Variants in LRRFIP2 observed in about 807,000 individuals in gnomAD.
The protein encoded by LRRFIP2 is LRR binding FLII interacting protein 2.
Under a neutral mutation model 125.9 loss-of-function variants are expected in LRRFIP2, and 109 were observed. That is an observed-to-expected ratio of 0.87 (90% confidence interval 0.74 to 1.01). LRRFIP2 has a LOEUF of 1.01. LRRFIP2 is among the 50% of genes least tolerant of loss of function. LRRFIP2 has a pLI of 0.00. For synonymous variants in LRRFIP2, 291 were observed against 293.1 expected (o/e 0.99, Z 0.07); for missense variants, 850 against 862.3 (o/e 0.99, Z 0.18).
intron 2 of LRRFIP2, among the ~76,000 whole-genome samples, chr3:37,141,519 T>C (rs2095700862): frequency 6.6e-6 from 1 of 152,260 alleles, no homozygotes; most frequent in Non-Finnish European, 1.5e-5. Flanking sequence ...TTTATGGTGA[T>C]ACATATTAAA....
intron 24 of LRRFIP2, among the ~76,000 whole-genome samples, chr3:37,059,439 GT>G (rs2087867010): frequency 1.3e-5 from 2 of 152,128 alleles, no homozygotes; most frequent in African/African-American, 4.8e-5. Context: ...GCAGTTTTTT[GT>G]TGTTTACTTT....
At chr3:37,115,527 T>C (rs1396704840) in intron 6 of LRRFIP2, among the ~76,000 whole-genome samples, 1 of 152,178 alleles carries the variant, frequency 6.6e-6, no homozygotes, top group East Asian at 1.9e-4. Flanking sequence ...GAACAGGCAA[T>C]GAGGCAAGCT....
chr3:37,156,516 T>C (rs1488253216), intron 1 of LRRFIP2, among the ~76,000 whole-genome samples: 1 of 149,092 alleles, frequency 6.7e-6, no homozygotes, highest in Non-Finnish European at 1.5e-5. Context: ...CTACTAAAAA[T>C]ACAAAAAATT....
chr3:37,165,888 T>C (rs1367930230), intron 1 of LRRFIP2, among the ~76,000 whole-genome samples: 1 of 151,108 alleles, frequency 6.6e-6, no homozygotes, highest in Non-Finnish European at 1.5e-5. Context: ...AAACTCAAAA[T>C]GGATCAAAGA....
At chr3:37,129,035 T>C (rs182341666) in intron 3 of LRRFIP2, 28 bp downstream of exon 3, 3 of 1,596,082 alleles carry the variant, frequency 1.9e-6, no homozygotes, top group South Asian at 1.1e-5. Flanking sequence ...GAGACAAATA[T>C]GAAATTAGGG....
intron 19 of LRRFIP2, among the ~76,000 whole-genome samples, chr3:37,080,194 C>T (rs757106668): frequency 2.6e-4 from 39 of 151,896 alleles, no homozygotes; most frequent in Non-Finnish European, 4.6e-4. Flanking sequence ...GAGGTCAGTT[C>T]GGGACCAGCC....
intron 13 of LRRFIP2, among the ~76,000 whole-genome samples, chr3:37,107,051 T>C (rs957290811): frequency 1.2e-4 from 18 of 151,962 alleles, no homozygotes; most frequent in Non-Finnish European, 2.4e-4. Context: ...ATTACAGGCA[T>C]GTGCCACCAC....
At chr3:37,133,775 T>G (rs1443388325) in intron 2 of LRRFIP2, among the ~76,000 whole-genome samples, 1 of 152,200 alleles carries the variant, frequency 6.6e-6, no homozygotes, top group Non-Finnish European at 1.5e-5. Flanking sequence ...TATACTTAAA[T>G]ATAGTTACCA....
chr3:37,055,172 C>T lies in LRRFIP2; in HGVS notation c.1871-7G>A. 6.5e-7 allele frequency: 1 copy of T among 1,541,738 alleles called. No individual in the cohort carries two copies. The highest frequency in any genetic ancestry group is 8.8e-7 in the Non-Finnish European group (1 of 1,137,208). ...ATTTGTCTATTGGCATCTCCTAGAA[C>T]AGAAGAAGACAATGAATTATCTTCA... On this transcript the variant is annotated splice_polypyrimidine_tract_variant and splice_region_variant and intron_variant, in intron 25 of 27. Transcript: ENST00000336686.
intron 3 of LRRFIP2, among the ~76,000 whole-genome samples, chr3:37,128,268 T>C (rs1370228843): frequency 1.3e-5 from 2 of 152,172 alleles, no homozygotes; most frequent in African/African-American, 4.8e-5. Flanking sequence ...CAAAAGAAAG[T>C]GTTTAATACT....
chr3:37,072,795 T>C lies in LRRFIP2; in HGVS notation c.1459A>G (p.Ile487Val). 6.2e-7 allele frequency: 1 copy of C among 1,606,690 alleles called. No individual in the cohort carries two copies. The highest frequency in any genetic ancestry group is 8.5e-7 in the Non-Finnish European group (1 of 1,174,094). ...AGCCCAATTTCATTTCATACCCCAA[T>C]TTTTTTATCTTTCCAAAGAAGTGTC... is the stretch of plus-strand genomic sequence containing the variant. ...QETLLWKDKK[I>V]GALEKQKEYI... The change falls in exon 21 of 28, where the codon ATT (isoleucine) becomes GTT (valine). Residue 487 changes from isoleucine to valine, a missense_variant. Coordinates refer to ENST00000336686, the MANE Select transcript of LRRFIP2 (RefSeq NM_006309.4).
chr3:37,068,781 A>G (rs575469882), intron 21 of LRRFIP2: 8 of 152,356 alleles, frequency 5.3e-5, no homozygotes, highest in Middle Eastern at 6.8e-3. Context: ...AATTCTCCAC[A>G]TAATTGTACT....
At chr3:37,069,197 T>C (rs2148832753) in intron 21 of LRRFIP2, among the ~76,000 whole-genome samples, 1 of 152,248 alleles carries the variant, frequency 6.6e-6, no homozygotes, top group East Asian at 1.9e-4. Context: ...TCAAAAAAAT[T>C]AAACACAGAA....
intron 1 of LRRFIP2, among the ~76,000 whole-genome samples, chr3:37,173,674 C>G (rs2096616777): frequency 6.6e-6 from 1 of 152,206 alleles, no homozygotes; most frequent in African/African-American, 2.4e-5. Flanking sequence ...GAATGATCCT[C>G]ATCAACATTC....
At chr3:37,095,809 TA>T (rs1559817621) in intron 16 of LRRFIP2, among the ~76,000 whole-genome samples, 1 of 151,944 alleles carries the variant, frequency 6.6e-6, no homozygotes, top group African/African-American at 2.4e-5. Flanking sequence ...GACTGGCTAA[TA>T]TTTTTTTTGC....
intron 26 of LRRFIP2, 109 bp downstream of exon 26, chr3:37,054,977 G>C: frequency 1.4e-6 from 1 of 703,590 alleles, no homozygotes; most frequent in South Asian, 1.7e-5. Flanking sequence ...TTTTAATACA[G>C]AACTATTATT....
chr3:37,114,321 C>T (rs754024026), intron 7 of LRRFIP2, among the ~76,000 whole-genome samples: 2 of 152,162 alleles, frequency 1.3e-5, no homozygotes, highest in Non-Finnish European at 2.9e-5. Context: ...TAGGTGTCCT[C>T]TAACACTACT....
At chr3:37,124,234 A>C (rs1033105638) in intron 4 of LRRFIP2, among the ~76,000 whole-genome samples, 1 of 152,188 alleles carries the variant, frequency 6.6e-6, no homozygotes. Context: ...AATTTTAGTC[A>C]ATTTAAATTT....
chr3:37,149,022 T>TA lies in LRRFIP2; in HGVS notation c.-40dup, dbSNP rs752903375. 1 of 1,611,290 alleles carries TA rather than the reference T, an allele frequency of 6.2e-7. No individual in the cohort carries two copies. The highest frequency in any genetic ancestry group is 1.1e-5 in the South Asian group (1 of 90,386). On this transcript the variant is annotated 5_prime_UTR_variant, in exon 2 of 28. Coordinates refer to ENST00000336686, the MANE Select transcript of LRRFIP2 (RefSeq NM_006309.4). ...TAGTCTTTTAACTTTGAAAGTGATT[T>TA]AACTGTGTTTTCAGCCCTGAAGTAA...
Sources: allele counts gnomAD v4.1 joint callset (sites outside exome capture counted in the v4.1 genomes callset), GRCh38; gene constraint gnomAD v4.1.1; transcripts MANE v1.5; gene names NCBI Gene and HGNC (gene_info 2026-07-23, HGNC 2026-07-21).